Variants in RBM46 observed in about 807,000 individuals in gnomAD.
The protein encoded by RBM46 is probable RNA-binding protein 46.
RBM46 carries 12 observed loss-of-function variants against 43.3 expected under a neutral mutation model. That is an observed-to-expected ratio of 0.28 (90% CI 0.18 to 0.45). The LOEUF is 0.45. Ranked by LOEUF, RBM46 falls within the 20% of genes least tolerant of loss-of-function variation. The pLI is 1.00. For missense variants in RBM46, 412 were observed against 639.1 expected, an observed-to-expected ratio of 0.64 and a Z score of 3.83; for synonymous variants, 205 against 207.6, an observed-to-expected ratio of 0.99 and a Z score of 0.11.
intron 1 of RBM46, among the ~76,000 whole-genome samples, chr4:154,790,772 G>T (rs1734047225): frequency 1.3e-5 from 2 of 152,128 alleles, no homozygotes; most frequent in Non-Finnish European, 2.9e-5. Flanking sequence ...TGGAAAAGCG[G>T]GAAAAATTAG....
chr4:154,794,211 C>T (rs556105500), intron 1 of RBM46, among the ~76,000 whole-genome samples: 1 of 128,600 alleles, frequency 7.8e-6, no homozygotes, highest in South Asian at 2.5e-4. Context: ...GATGGATTCT[C>T]ACTCTTTGGC....
At chr4:154,814,820 G>A (rs1485204273) in intron 4 of RBM46, among the ~76,000 whole-genome samples, 1 of 150,638 alleles carries the variant, frequency 6.6e-6, no homozygotes, top group East Asian at 1.9e-4. Context: ...TATATCACTG[G>A]CAGGTTTTTA....
Position 154,799,580 on chromosome 4 carries a change from C to T in RBM46, c.1402+16C>T, listed in dbSNP as rs1265782434. On this transcript the variant is annotated intron_variant, in intron 4 of 4. Coordinates refer to ENST00000281722, the MANE Select transcript of RBM46 (RefSeq NM_144979.5). ...CTTCATTTGGGTAAGTTTAAAAATA[C>T]TTTAAATGATGTATAATATGAAATT... is the stretch of plus-strand genomic sequence containing the variant. The T allele has an allele frequency of 2.7e-6, 4 of 1,468,014 alleles. No individual in the cohort carries two copies. The highest frequency in any genetic ancestry group is 5.0e-5 in the Admixed American group (2 of 39,964). 90.9% of individuals were successfully genotyped at this position (1,468,014 alleles called of 1,614,324 possible). A position where few individuals can be genotyped will look rare whatever the true frequency, so the allele number is the denominator to read the frequency against.
At chr4:154,802,279 A>G (rs1734673773) in intron 4 of RBM46, among the ~76,000 whole-genome samples, 1 of 152,212 alleles carries the variant, frequency 6.6e-6, no homozygotes, top group South Asian at 2.1e-4. Context: ...CAGAAGAGCC[A>G]GAGATCAGGG....
intron 4 of RBM46, among the ~76,000 whole-genome samples, chr4:154,802,359 T>C (rs4696604): frequency 0.16 from 24,874 of 152,208 alleles, 2,638 homozygotes; most frequent in East Asian, 0.44. Flanking sequence ...CCAGGAGCTG[T>C]AGACAGTGAG....
chr4:154,804,977 G>A (rs1245701046), intron 4 of RBM46, among the ~76,000 whole-genome samples: 1 of 152,012 alleles, frequency 6.6e-6, no homozygotes, highest in Admixed American at 6.6e-5. Flanking sequence ...TCTTTGCATA[G>A]GTTATTTTGG....
chr4:154,782,260 G>C (rs1478504155), intron 1 of RBM46, among the ~76,000 whole-genome samples: 1 of 152,210 alleles, frequency 6.6e-6, no homozygotes, highest in Non-Finnish European at 1.5e-5. Flanking sequence ...CACAGAACCA[G>C]CGGCATTTAA....
chr4:154,803,589 G>C (rs905860281), intron 4 of RBM46, among the ~76,000 whole-genome samples: 2 of 150,872 alleles, frequency 1.3e-5, no homozygotes, highest in South Asian at 4.2e-4. Flanking sequence ...TGTAGTCCCA[G>C]CTACTCTGGA....
Position 154,828,454 on chromosome 4 carries a change from A to T in RBM46, c.*387A>T. ...GAAGACAATGGTTATAGTAGATTTG[A>T]TTACCAAGGATCACTATCTGTACTG... On this transcript the variant is annotated 3_prime_UTR_variant, in exon 5 of 5. Coordinates refer to ENST00000281722, the MANE Select transcript of RBM46 (RefSeq NM_144979.5). The T allele has an allele frequency of 4.9e-6, 1 of 202,504 alleles. No individual in the cohort carries two copies. Among genetic ancestry groups the T allele is most frequent in the East Asian group, 1.4e-4 (1 of 7,110 alleles). 12.5% of individuals were successfully genotyped at this position (202,504 alleles called of 1,614,324 possible). A position where few individuals can be genotyped will look rare whatever the true frequency, so the allele number is the denominator to read the frequency against.
intron 4 of RBM46, among the ~76,000 whole-genome samples, chr4:154,817,072 GT>G (rs922135480): frequency 3.5e-5 from 5 of 141,968 alleles, no homozygotes; most frequent in Non-Finnish European, 7.4e-5. Flanking sequence ...AAATTCATTT[GT>G]TTTTTTTAGG....
chr4:154,805,645 G>A (rs772472117), intron 4 of RBM46, among the ~76,000 whole-genome samples: 15 of 151,758 alleles, frequency 9.9e-5, no homozygotes, highest in Non-Finnish European at 1.9e-4. Flanking sequence ...AATATTTGGT[G>A]CTTTTTTTCT....
At chr4:154,816,124 A>G (rs1735431541) in intron 4 of RBM46, among the ~76,000 whole-genome samples, 1 of 152,112 alleles carries the variant, frequency 6.6e-6, no homozygotes, top group Non-Finnish European at 1.5e-5. Context: ...TTTTGCACCA[A>G]TACCATATTG....
At chr4:154,792,508 G>A (rs894057823) in intron 1 of RBM46, among the ~76,000 whole-genome samples, 2 of 152,082 alleles carry the variant, frequency 1.3e-5, no homozygotes, top group Admixed American at 6.6e-5. Flanking sequence ...ATATGCCAAG[G>A]GGTCTGCATG....
At chr4:154,815,159 A>G (rs1280596566) in intron 4 of RBM46, among the ~76,000 whole-genome samples, 4 of 152,048 alleles carry the variant, frequency 2.6e-5, no homozygotes, top group Non-Finnish European at 5.9e-5. Context: ...AGGTAGCAGT[A>G]CTGTTCATTT....
rs156503 is a variant in RBM46, at chr4:154,797,935, T to G, written c.276T>G (p.Leu92=). The change falls in exon 3 of 5, where the codon CTT becomes CTG. Residue 92 remains leucine (L), a synonymous_variant. Transcript: ENST00000281722. The part of the protein sequence containing the change: ...ERAGKIYEFR[L]MMEFSGENRG... ...CTGGGAAGATATATGAATTTCGACT[T>G]ATGATGGAATTTAGTGGTGAAAATC... is the stretch of plus-strand genomic sequence containing the variant. The G allele has an allele frequency of 5.8e-4, 943 of 1,613,420 alleles. 9 individuals are homozygous for G. In the African/African-American group the frequency reaches 0.011, roughly 19 times the overall value.
Position 154,797,887 on chromosome 4 carries a change from G to A in RBM46, c.228G>A (p.Glu76=), listed in dbSNP as rs1033317089. ...GKIPRDMYED[E]LVPVFERAGK... ...TACCTCGTGATATGTATGAAGATGA[G>A]TTAGTTCCTGTATTTGAAAGAGCTG... Residue 76 remains glutamate, a synonymous_variant, in exon 3 of 5, where the codon GAG becomes GAA. Transcript: ENST00000281722. 6.2e-7 allele frequency: 1 copy of A among 1,606,508 alleles called. No individual in the cohort carries two copies. Among genetic ancestry groups the A allele is most frequent in the Non-Finnish European group, 8.5e-7 (1 of 1,177,806 alleles).
chr4:154,796,890 C>T lies in RBM46; in HGVS notation c.138C>T (p.Gly46=), dbSNP rs747090326. The T allele has an allele frequency of 6.0e-5, 97 of 1,612,112 alleles. No homozygotes were observed. The highest frequency in any genetic ancestry group is 7.5e-5 in the Non-Finnish European group (88 of 1,179,296). ...MVQENGQRKF[G]GPPPGWEGPP... ...AGGAAAATGGACAAAGGAAATTTGG[C>T]GGTCCTCCTCCAGGTGTGGATTTGT... is the stretch of plus-strand genomic sequence containing the variant. The change falls in exon 2 of 5, where the codon GGC becomes GGT. Residue 46 remains glycine (G), a synonymous_variant. Transcript: ENST00000281722.
chr4:154,818,496 C>G (rs1043091373), intron 4 of RBM46, among the ~76,000 whole-genome samples: 5 of 152,112 alleles, frequency 3.3e-5, no homozygotes, highest in African/African-American at 1.2e-4. Flanking sequence ...ATTCCCTGTA[C>G]CCAGCTACTT....
Position 154,827,889 on chromosome 4 carries a change from CAATA to C in RBM46, c.1429_1432del (p.Asn477ValfsTer71), listed in dbSNP as rs766278848. The C allele has an allele frequency of 1.3e-4, 202 of 1,613,898 alleles. No homozygotes were observed. The highest frequency in any genetic ancestry group is 3.5e-5 in the Non-Finnish European group (41 of 1,179,826). On this transcript the variant is annotated frameshift_variant, in exon 5 of 5. Coordinates refer to ENST00000281722, the MANE Select transcript of RBM46 (RefSeq NM_144979.5). LOFTEE classifies it high-confidence loss of function. ...ACAGACTACAATTTCCATCGCAGCTCAATAAATAGTCTTTCCCCTGTTAGTGCTA... is the reference window on the plus strand; with the variant it reads ...ACAGACTACAATTTCCATCGCAGCTCAATAGTCTTTCCCCTGTTAGTGCTA...
Sources: gnomAD v4.1 joint callset for allele counts (sites outside exome capture counted in the v4.1 genomes callset) on GRCh38, gnomAD v4.1.1 for gene constraint, MANE v1.5 for transcripts, NCBI Gene and HGNC (gene_info 2026-07-23, HGNC 2026-07-21) for gene names.